The following SUGCT variants were observed in gnomAD, a reference collection of about 807,000 sequenced individuals.
SUGCT encodes succinyl-CoA:glutarate CoA-transferase.
A neutral mutation model predicts 55.0 loss-of-function variants in SUGCT; 41 were observed. The observed-to-expected ratio is 0.74, with a 90% CI of 0.58 to 0.97. The LOEUF (loss-of-function observed/expected upper bound fraction) is 0.97. Ranked by LOEUF, SUGCT falls within the 50% of genes least tolerant of loss-of-function variation. The probability of loss-of-function intolerance (pLI) is 0.00; values close to 1 mark genes in which losing one functional copy is unlikely to be tolerated. For missense variants in SUGCT, 568 were observed against 547.8 expected (o/e 1.04, Z -0.37); for synonymous variants, 187 against 200.4 (o/e 0.93, Z 0.56).
At chr7:40,745,364 A>G (rs1210316748) in intron 12 of SUGCT, among the ~76,000 whole-genome samples, 1 of 152,008 alleles carries the variant, frequency 6.6e-6, no homozygotes, top group Non-Finnish European at 1.5e-5. Flanking sequence ...CTATATTACA[A>G]ATTTTTTTCT....
intron 13 of SUGCT, among the ~76,000 whole-genome samples, chr7:40,816,460 G>T (rs1791676476): frequency 6.6e-6 from 1 of 152,168 alleles, no homozygotes; most frequent in South Asian, 2.1e-4. Context: ...ATCTCCACTG[G>T]AAAGGTGAGC....
chr7:40,427,545 T>C (rs1787651212), intron 9 of SUGCT, among the ~76,000 whole-genome samples: 1 of 152,304 alleles, frequency 6.6e-6, no homozygotes, highest in South Asian at 2.1e-4. Context: ...TTATGAGCAA[T>C]GTTTGAACTC....
At chr7:40,231,556 G>T (rs543825583) in intron 6 of SUGCT, among the ~76,000 whole-genome samples, 1 of 152,248 alleles carries the variant, frequency 6.6e-6, no homozygotes, top group African/African-American at 2.4e-5. Flanking sequence ...GTGAAGATTG[G>T]AGAGAAATAC....
rs543972804 is a variant in SUGCT at position 40,645,910 on chromosome 7, T to C, written c.1090-103524T>C. ...GTTTTCATCCTGAGCTTAGACCCCA[T>C]GTCTCAGTTCCAGACATGGATATCT... On this transcript the variant is annotated intron_variant, in intron 12 of 13. Coordinates refer to ENST00000335693, the MANE Select transcript of SUGCT (RefSeq NM_001193313.2). Among the ~76,000 whole-genome samples, 29 of 152,312 alleles carry C rather than the reference T, an allele frequency of 1.9e-4. No individual in the cohort carries two copies. The South Asian group carries it at 5.8e-3, about 30-fold the overall frequency.
At chr7:40,172,645 A>G (rs1300353754) in intron 1 of SUGCT, among the ~76,000 whole-genome samples, 1 of 152,162 alleles carries the variant, frequency 6.6e-6, no homozygotes, top group Middle Eastern at 3.2e-3. Flanking sequence ...CGCATGGGCA[A>G]CTGTTGAGTA....
intron 6 of SUGCT, among the ~76,000 whole-genome samples, chr7:40,206,380 C>G (rs1004037659): frequency 1.3e-5 from 2 of 152,168 alleles, no homozygotes; most frequent in African/African-American, 4.8e-5. Context: ...AACTTTCAGC[C>G]TTTTATTTGA....
At chr7:40,359,962 C>T (rs1798067578) in intron 9 of SUGCT, among the ~76,000 whole-genome samples, 1 of 152,074 alleles carries the variant, frequency 6.6e-6, no homozygotes, top group Admixed American at 6.5e-5. Context: ...GAGAAATGAC[C>T]TGCAGCCTTT....
intron 13 of SUGCT, among the ~76,000 whole-genome samples, chr7:40,829,534 A>G (rs1381734528): frequency 1.3e-5 from 2 of 152,216 alleles, no homozygotes; most frequent in African/African-American, 2.4e-5. Flanking sequence ...TTCAGTATTC[A>G]GCATGTTTTG....
the SUGCT span, among the ~76,000 whole-genome samples, chr7:40,910,201 T>C: frequency 6.6e-6 from 1 of 150,694 alleles, no homozygotes; most frequent in South Asian, 2.1e-4. Context: ...AGAGGAAGAG[T>C]TGGAGACAGG....
At chr7:40,699,556 A>G (rs972294946) in intron 12 of SUGCT, among the ~76,000 whole-genome samples, 4 of 152,178 alleles carry the variant, frequency 2.6e-5, no homozygotes, top group Non-Finnish European at 4.4e-5. Context: ...AATGAATTTG[A>G]AATATATAAA....
Position 40,591,102 on chromosome 7 carries a change from C to T in SUGCT, c.1089+94716C>T, listed in dbSNP as rs758639699. Among the ~76,000 whole-genome samples the T allele has an allele frequency of 2.0e-4, 31 of 152,172 alleles. No homozygotes were observed. In the South Asian group the frequency reaches 2.1e-3, roughly 10 times the overall value. On this transcript the variant is annotated intron_variant, in intron 12 of 13. Transcript: ENST00000335693. ...TGGCTGCCATAAATAGTGATTCCTC[C>T]GATGGATCTGGGCAAAAGAAATTAA...
At chr7:40,853,757 A>T (rs1292773292) in intron 13 of SUGCT, among the ~76,000 whole-genome samples, 3 of 152,246 alleles carry the variant, frequency 2.0e-5, no homozygotes, top group Non-Finnish European at 4.4e-5. Context: ...TCTGATCTGT[A>T]AAATGAGAGC....
intron 13 of SUGCT, among the ~76,000 whole-genome samples, chr7:40,785,540 A>G (rs1002346720): frequency 3.9e-5 from 6 of 152,222 alleles, no homozygotes; most frequent in Non-Finnish European, 7.3e-5. Flanking sequence ...GAATACATCT[A>G]TAAGCACTTT....
intron 12 of SUGCT, among the ~76,000 whole-genome samples, chr7:40,520,889 T>C (rs995266890): frequency 1.3e-5 from 2 of 152,206 alleles, no homozygotes; most frequent in Non-Finnish European, 2.9e-5. Flanking sequence ...ACACATTTTC[T>C]TGTATTTATC....
intron 9 of SUGCT, among the ~76,000 whole-genome samples, chr7:40,333,732 A>T (rs1796493372): frequency 8.0e-6 from 1 of 125,604 alleles, no homozygotes; most frequent in African/African-American, 3.0e-5. Context: ...ACATATATAT[A>T]ATTTAGTGAC....
the SUGCT span, among the ~76,000 whole-genome samples, chr7:41,003,945 AT>A: frequency 1.3e-5 from 2 of 152,202 alleles, no homozygotes; most frequent in Non-Finnish European, 2.9e-5. Context: ...GCTCTACGAT[AT>A]TCTGGAAAAG....
the SUGCT span, among the ~76,000 whole-genome samples, chr7:40,880,065 G>A: frequency 1.4e-3 from 206 of 152,306 alleles, no homozygotes; most frequent in African/African-American, 4.6e-3. Context: ...AAAAGGGAGT[G>A]AATAATTGGC....
chr7:40,181,485 C>T (rs1477410988), intron 2 of SUGCT, among the ~76,000 whole-genome samples: 1 of 152,146 alleles, frequency 6.6e-6, no homozygotes, highest in Non-Finnish European at 1.5e-5. Flanking sequence ...GTGGCTCACG[C>T]CTGTAATCCC....
At chr7:40,349,383 C>T (rs1337160905) in intron 9 of SUGCT, among the ~76,000 whole-genome samples, 2 of 152,068 alleles carry the variant, frequency 1.3e-5, no homozygotes, top group Non-Finnish European at 2.9e-5. Flanking sequence ...AGTCTTGGCT[C>T]TGTTGCCCAG....
Sources: gnomAD v4.1 joint callset for allele counts (sites outside exome capture counted in the v4.1 genomes callset) on GRCh38, gnomAD v4.1.1 for gene constraint, MANE v1.5 for transcripts, NCBI Gene and HGNC (gene_info 2026-07-23, HGNC 2026-07-21) for gene names.